DNAAF4: variants seen among roughly 807,000 people sequenced by gnomAD.
DNAAF4 encodes dynein assembly factor 4, axonemal.
Under a neutral mutation model 51.8 loss-of-function variants are expected in DNAAF4, and 43 were observed. That is an observed-to-expected ratio of 0.83 (90% CI 0.65 to 1.07). The LOEUF (loss-of-function observed/expected upper bound fraction) is 1.07. Ranked by LOEUF, DNAAF4 falls within the 50% of genes least tolerant of loss-of-function variation. The probability of loss-of-function intolerance (pLI) is 0.00; values close to 1 mark genes in which losing one functional copy is unlikely to be tolerated. For missense variants in DNAAF4, 581 were observed against 493.0 expected (o/e 1.18, Z -1.69); for synonymous variants, 194 against 165.6 (o/e 1.17, Z -1.32).
chr15:55,471,245 G>A (rs753587091), intron 4 of DNAAF4, among the ~76,000 whole-genome samples: 2 of 152,106 alleles, frequency 1.3e-5, no homozygotes, highest in Non-Finnish European at 2.9e-5. Context: ...TCATAGCTTG[G>A]TCTTTCTGGT....
intron 4 of DNAAF4, among the ~76,000 whole-genome samples, chr15:55,478,536 C>G (rs901096277): frequency 2.0e-5 from 3 of 152,166 alleles, no homozygotes; most frequent in Non-Finnish European, 4.4e-5. Flanking sequence ...TTAAAGGACC[C>G]AGTCATTATC....
chr15:55,439,611 T>C (rs779231249), intron 6 of DNAAF4, 30 bp from the exon 7 acceptor site: 2 of 1,570,174 alleles, frequency 1.3e-6, no homozygotes, highest in Non-Finnish European at 1.7e-6. Context: ...TTATGAAGAA[T>C]AAAAAGGTCT....
chr15:55,431,387 CACAA>C (rs1317022033), intron 9 of DNAAF4, among the ~76,000 whole-genome samples: 3 of 133,158 alleles, frequency 2.3e-5, no homozygotes, highest in Non-Finnish European at 4.9e-5. Flanking sequence ...CACACACACA[CACAA>C]ATACATACAT....
chr15:55,454,570 G>A (rs2057989179), intron 5 of DNAAF4, among the ~76,000 whole-genome samples: 1 of 151,886 alleles, frequency 6.6e-6, no homozygotes, highest in African/African-American at 2.4e-5. Flanking sequence ...TAGAGATGGG[G>A]TTTCACCATG....
At chr15:55,499,645 T>C (rs1034857670) in intron 1 of DNAAF4, among the ~76,000 whole-genome samples, 1 of 152,164 alleles carries the variant, frequency 6.6e-6, no homozygotes, top group Non-Finnish European at 1.5e-5. Context: ...CTATATAGGT[T>C]TTGCTCCAAA....
intron 1 of DNAAF4, among the ~76,000 whole-genome samples, chr15:55,499,391 G>C (rs1166124979): frequency 2.6e-5 from 4 of 152,064 alleles, no homozygotes; most frequent in South Asian, 2.1e-4. Flanking sequence ...TTGTATAAAC[G>C]AACCTGACTG....
At chr15:55,505,435 T>C (rs1211983454) in intron 1 of DNAAF4, among the ~76,000 whole-genome samples, 1 of 152,120 alleles carries the variant, frequency 6.6e-6, no homozygotes, top group Non-Finnish European at 1.5e-5. Context: ...TAAAAGATTA[T>C]AAATCATGCT....
intron 4 of DNAAF4, among the ~76,000 whole-genome samples, chr15:55,471,025 G>A (rs1010739014): frequency 1.4e-5 from 2 of 147,794 alleles, no homozygotes; most frequent in Non-Finnish European, 1.5e-5. Context: ...GGCTAATTTT[G>A]TTGTTGTTGT....
downstream of DNAAF4, among the ~76,000 whole-genome samples, chr15:55,426,320 C>T (rs1051919010): frequency 1.3e-5 from 2 of 152,178 alleles, no homozygotes; most frequent in Non-Finnish European, 2.9e-5. Flanking sequence ...AATCTTGTGG[C>T]TAATTTCTTA....
At chr15:55,462,851 C>A (rs546969609) in intron 5 of DNAAF4, among the ~76,000 whole-genome samples, 1 of 152,214 alleles carries the variant, frequency 6.6e-6, no homozygotes, top group South Asian at 2.1e-4. Context: ...AAACAAAAAT[C>A]ATACAATCAT....
intron 5 of DNAAF4, among the ~76,000 whole-genome samples, chr15:55,458,863 G>A (rs946996179): frequency 6.6e-6 from 1 of 152,102 alleles, no homozygotes; most frequent in African/African-American, 2.4e-5. Context: ...CACGAGGTCA[G>A]GAGTTCGAGA....
chr15:55,497,406 G>C (rs1164971222), intron 3 of DNAAF4, among the ~76,000 whole-genome samples: 1 of 151,914 alleles, frequency 6.6e-6, no homozygotes, highest in Non-Finnish European at 1.5e-5. Flanking sequence ...TGTGAGACCA[G>C]CCTGGCCAAC....
chr15:55,437,850 C>T (rs1466197937), intron 7 of DNAAF4, among the ~76,000 whole-genome samples: 1 of 152,104 alleles, frequency 6.6e-6, no homozygotes, highest in African/African-American at 2.4e-5. Context: ...AATTTTGGCC[C>T]AGTGAAACTC....
At chr15:55,497,291 G>C (rs1286953106) in intron 3 of DNAAF4, among the ~76,000 whole-genome samples, 1 of 152,004 alleles carries the variant, frequency 6.6e-6, no homozygotes, top group Non-Finnish European at 1.5e-5. Context: ...TTGAACCTTG[G>C]AGAGTAAAAG....
chr15:55,492,094 C>T (rs1276644476), intron 3 of DNAAF4, among the ~76,000 whole-genome samples: 6 of 151,722 alleles, frequency 4.0e-5, no homozygotes, highest in African/African-American at 1.2e-4. Context: ...TGGGCTCAAG[C>T]GATGCTCCTA....
At chr15:55,493,772 T>C (rs1363686291) in intron 3 of DNAAF4, among the ~76,000 whole-genome samples, 1 of 152,140 alleles carries the variant, frequency 6.6e-6, no homozygotes, top group Non-Finnish European at 1.5e-5. Context: ...ATTATGAGCA[T>C]GGCTTACTGC....
chr15:55,484,449 C>A (rs1162275964), intron 4 of DNAAF4, among the ~76,000 whole-genome samples: 1 of 149,716 alleles, frequency 6.7e-6, no homozygotes, highest in Non-Finnish European at 1.5e-5. Flanking sequence ...CGCACCACTG[C>A]ACTCCAGCCT....
At chr15:55,464,497 A>T (rs970913905) in intron 5 of DNAAF4, among the ~76,000 whole-genome samples, 12 of 152,220 alleles carry the variant, frequency 7.9e-5, no homozygotes, top group African/African-American at 2.9e-4. Flanking sequence ...AAAAGAAATA[A>T]TCAGCACAGT....
chr15:55,446,377 ATGAT>A (rs2057815189), intron 6 of DNAAF4, among the ~76,000 whole-genome samples: 1 of 120,888 alleles, frequency 8.3e-6, no homozygotes. Flanking sequence ...CACATCCCAG[ATGAT>A]GGGCGGCCGG....
Sources: gnomAD v4.1 joint callset for allele counts (sites outside exome capture counted in the v4.1 genomes callset) on GRCh38, gnomAD v4.1.1 for gene constraint, MANE v1.5 for transcripts, NCBI Gene and HGNC (gene_info 2026-07-23, HGNC 2026-07-21) for gene names.